Variants in FANCA observed in about 807,000 individuals in gnomAD.
FANCA encodes FA complementation group A.
Under a neutral mutation model 194.3 loss-of-function variants are expected in FANCA, and 236 were observed. The observed-to-expected ratio is 1.21, with a 90% confidence interval of 1.09 to 1.35. The LOEUF is 1.35. Among genes scored for constraint, FANCA ranks in the 40% most tolerant of loss-of-function variants. FANCA has a pLI of 0.00. For missense variants in FANCA, 2,628 were observed against 1,813.9 expected (o/e 1.45, Z -8.15); for synonymous variants, 1,014 against 715.8 (o/e 1.42, Z -6.65).
At chr16:89,739,831 C>T in intron 39 of FANCA, 163 bp downstream of exon 39, 1 of 1,483,228 alleles carries the variant, frequency 6.7e-7, no homozygotes, top group Non-Finnish European at 8.9e-7. Flanking sequence ...AGTAAATTAT[C>T]TTATTGCTTT....
intron 1 of FANCA, 27 bp downstream of exon 1, chr16:89,816,488 GTCCCGGGCCGGACGCCGCCCAC>G: frequency 7.6e-6 from 11 of 1,441,300 alleles, no homozygotes; most frequent in Non-Finnish European, 1.0e-5. Flanking sequence ...CGGCGAAACC[GTCCCGGGCCGGACGCCGCCCAC>G]TCCCGCGGCC....
At chr16:89,752,280 C>T in intron 30 of FANCA, 58 bp from the exon 31 acceptor site, 3 of 1,378,570 alleles carry the variant, frequency 2.2e-6, no homozygotes, top group South Asian at 1.2e-5. Flanking sequence ...CTGAAGTTCC[C>T]AGTTCTCCTC....
chr16:89,779,622 T>C (rs1435854795), intron 18 of FANCA, among the ~76,000 whole-genome samples: 1 of 152,186 alleles, frequency 6.6e-6, no homozygotes, highest in Admixed American at 6.5e-5. Context: ...CCGTATCCCT[T>C]AACGGCAGGA....
intron 11 of FANCA, 112 bp from the exon 12 acceptor site, chr16:89,792,659 A>C: frequency 1.2e-6 from 1 of 812,316 alleles, no homozygotes; most frequent in Non-Finnish European, 2.1e-6. Context: ...TGCGGCGACG[A>C]GAGAGTGTAG....
In FANCA at chr16:89,791,201, G is replaced by A. The variant is rs17226218; in HGVS notation, c.1359+202C>T. 85 of 670,584 alleles carry A rather than the reference G, an allele frequency of 1.3e-4. 2 individuals carry two copies. The South Asian group carries it at 1.5e-3, about 12-fold the overall frequency. The allele number at this position is 670,584 out of a possible 1,614,324, so 41.5% of individuals were successfully genotyped here. A position where few individuals can be genotyped will look rare whatever the true frequency, so the allele number is the denominator to read the frequency against. On this transcript the variant is annotated intron_variant, in intron 14 of 42. Transcript: ENST00000389301. Reference sequence around the variant, plus strand: ...GAACCCAGGCTCCTCGGAACATGCAGAGGAAGATCCGCTGAGGCCCCGACA... The same window carrying A: ...GAACCCAGGCTCCTCGGAACATGCAAAGGAAGATCCGCTGAGGCCCCGACA...
intron 27 of FANCA, among the ~76,000 whole-genome samples, chr16:89,765,867 C>T (rs2039109552): frequency 6.6e-6 from 1 of 152,254 alleles, no homozygotes; most frequent in African/African-American, 2.4e-5. Context: ...GAAATACGTG[C>T]ACCCTGGATC....
At chr16:89,765,804 G>A (rs768659363) in intron 27 of FANCA, among the ~76,000 whole-genome samples, 26 of 152,174 alleles carry the variant, frequency 1.7e-4, no homozygotes, top group Non-Finnish European at 3.5e-4. Context: ...CAAACTCCAT[G>A]TTTTCTTTAA....
chr16:89,777,722 TGATC>T (rs963508174), intron 20 of FANCA, among the ~76,000 whole-genome samples: 27 of 152,138 alleles, frequency 1.8e-4, no homozygotes, highest in African/African-American at 4.8e-4. Flanking sequence ...GCAATGTAAG[TGATC>T]CAAGGATACC....
intron 23 of FANCA, 148 bp from the exon 24 acceptor site, chr16:89,770,782 C>T (rs372832693): frequency 1.6e-5 from 11 of 702,826 alleles, no homozygotes; most frequent in Middle Eastern, 2.6e-4. Flanking sequence ...TGTTACAATG[C>T]AAACTGGTGC....
chr16:89,759,290 T>G (rs1398940585), intron 29 of FANCA, among the ~76,000 whole-genome samples: 8 of 124,074 alleles, frequency 6.4e-5, no homozygotes, highest in African/African-American at 2.5e-4. Flanking sequence ...ACTGCACTCC[T>G]GCTTGGGCAA....
rs1598130449 is a variant in FANCA at position 89,780,395 on chromosome 16, G to A, written c.1627-438C>T. On this transcript the variant is annotated intron_variant, in intron 17 of 42. Transcript: ENST00000389301. The stretch of plus-strand genomic sequence containing the variant: ...GCAGTGCTTTGAGAGGCTAAGCGGG[G>A]CAGACTGCTTAAGCCCAAGGAGTTC... Among the ~76,000 whole-genome samples the A allele has an allele frequency of 3.3e-5, 5 of 152,148 alleles. No individual in the cohort carries two copies. The East Asian group carries it at 5.8e-4, about 18-fold the overall frequency.
At chr16:89,806,817 C>G (rs1004712980) in intron 6 of FANCA, among the ~76,000 whole-genome samples, 12 of 152,262 alleles carry the variant, frequency 7.9e-5, no homozygotes, top group Admixed American at 7.2e-4. Flanking sequence ...CTTTGTATTC[C>G]ATAAAACCGC....
In FANCA at chr16:89,739,272, T is replaced by C. The variant is rs2062059522; in HGVS notation, c.4028A>G (p.His1343Arg). ...CTCTTCCCTGATGGCCGCGTCTTCA[T>C]GGAAGTAGGAGAGAAGACTAGAGGT... ...FAFYSLLSYF[H>R]EDAAIREEAF... The change falls in exon 41 of 43, where the codon CAT becomes CGT. Residue 1343 changes from histidine to arginine, a missense_variant. Coordinates refer to ENST00000389301, the MANE Select transcript of FANCA (RefSeq NM_000135.4). 2 of 1,613,974 alleles carry C rather than the reference T, an allele frequency of 1.2e-6. No homozygotes were observed. The highest frequency in any genetic ancestry group is 1.1e-5 in the South Asian group (1 of 91,084).
At chr16:89,809,229 C>T (rs920224767) in intron 5 of FANCA, among the ~76,000 whole-genome samples, 12 of 151,932 alleles carry the variant, frequency 7.9e-5, no homozygotes, top group African/African-American at 1.9e-4. Context: ...CTTCACAGTC[C>T]GTGCAGGAAG....
chr16:89,813,863 A>G (rs951874480), intron 3 of FANCA, among the ~76,000 whole-genome samples: 5 of 151,812 alleles, frequency 3.3e-5, no homozygotes, highest in Admixed American at 2.6e-4. Context: ...TGTACTAACT[A>G]TATCTTTAGC....
chr16:89,811,144 T>G, intron 3 of FANCA, 73 bp from the exon 4 acceptor site: 1 of 1,595,798 alleles, frequency 6.3e-7, no homozygotes, highest in Non-Finnish European at 8.6e-7. Flanking sequence ...ACTTGCTGTT[T>G]AAAATGCCTT....
chr16:89,779,024 C>T (rs36204980), intron 18 of FANCA, 21 bp from the exon 19 acceptor site: 11 of 1,611,696 alleles, frequency 6.8e-6, no homozygotes, highest in Non-Finnish European at 8.5e-6. Flanking sequence ...GAGAAGCAGA[C>T]AGTGCATCAG....
At chr16:89,803,435 G>A (rs981448714) in intron 7 of FANCA, 94 bp from the exon 8 acceptor site, 11 of 1,186,338 alleles carry the variant, frequency 9.3e-6, no homozygotes, top group South Asian at 3.6e-5. Context: ...GGGCGGGTGA[G>A]CATATGGCTT....
intron 6 of FANCA, among the ~76,000 whole-genome samples, chr16:89,806,557 G>C (rs936177686): frequency 2.0e-5 from 3 of 151,426 alleles, no homozygotes; most frequent in Non-Finnish European, 4.4e-5. Flanking sequence ...GACTCTTAAC[G>C]AGCATGCTGC....
Sources: allele counts gnomAD v4.1 joint callset (sites outside exome capture counted in the v4.1 genomes callset), GRCh38; gene constraint gnomAD v4.1.1; transcripts MANE v1.5; gene names NCBI Gene and HGNC (gene_info 2026-07-23, HGNC 2026-07-21).